Variants in RNGTT observed in about 807,000 individuals in gnomAD.
The protein encoded by RNGTT is RNA guanylyltransferase and 5'-phosphatase, also known as mRNA-capping enzyme.
RNGTT carries 33 observed loss-of-function variants against 79.3 expected under a neutral mutation model. The observed-to-expected ratio is 0.42, with a 90% CI of 0.32 to 0.56. The LOEUF is 0.56. RNGTT is among the 20% of genes least tolerant of loss of function. RNGTT has a pLI of 0.17. For missense variants in RNGTT, 497 were observed against 739.1 expected (o/e 0.67, Z 3.80); for synonymous variants, 222 against 235.9 (o/e 0.94, Z 0.54).
At chr6:88,713,767 C>A (rs950601702) in intron 13 of RNGTT, among the ~76,000 whole-genome samples, 13 of 151,996 alleles carry the variant, frequency 8.6e-5, no homozygotes, top group African/African-American at 3.1e-4. Flanking sequence ...GTATTACGGG[C>A]TTTTTATTAC....
chr6:88,820,259 C>T (rs1042347010), intron 11 of RNGTT, among the ~76,000 whole-genome samples: 2 of 152,070 alleles, frequency 1.3e-5, no homozygotes, highest in Non-Finnish European at 2.9e-5. Flanking sequence ...AGCAGTTCCA[C>T]ACTATTAAAT....
intron 13 of RNGTT, among the ~76,000 whole-genome samples, chr6:88,763,602 T>A (rs1778343828): frequency 6.6e-6 from 1 of 152,160 alleles, no homozygotes; most frequent in Non-Finnish European, 1.5e-5. Context: ...AAATCACTGA[T>A]CAACAATGCT....
At chr6:88,649,614 G>A (rs1008672109) in intron 14 of RNGTT, among the ~76,000 whole-genome samples, 4 of 151,922 alleles carry the variant, frequency 2.6e-5, no homozygotes, top group South Asian at 2.1e-4. Flanking sequence ...GGAGAATGGC[G>A]TGAACCCGGG....
chr6:88,926,102 T>C (rs193026470), intron 4 of RNGTT, among the ~76,000 whole-genome samples: 230 of 152,344 alleles, frequency 1.5e-3, no homozygotes, highest in African/African-American at 5.2e-3. Context: ...TAAATAAATA[T>C]TTACTATTTT....
At chr6:88,938,485 G>T (rs912144631) in intron 2 of RNGTT, among the ~76,000 whole-genome samples, 49 of 152,068 alleles carry the variant, frequency 3.2e-4, no homozygotes, top group African/African-American at 9.9e-4. Flanking sequence ...TATCCATTCG[G>T]CCAGTTTACA....
intron 14 of RNGTT, among the ~76,000 whole-genome samples, chr6:88,662,387 A>G (rs1427907380): frequency 6.6e-6 from 1 of 152,250 alleles, no homozygotes; most frequent in Non-Finnish European, 1.5e-5. Context: ...TGTAGCTCTC[A>G]GTCACGTAGC....
rs149295592 is a variant in RNGTT, at chr6:88,825,040, G to A, written c.1269+19317C>T. 4.6e-3 allele frequency among the ~76,000 whole-genome samples: 697 copies of A among 152,208 alleles called. 2 individuals carry two copies. The highest frequency in any genetic ancestry group is 0.016 in the African/African-American group (659 of 41,548). On this transcript the variant is annotated intron_variant, in intron 11 of 15. Transcript: ENST00000369485. ...TTACAGGTGTGAGCCACCACACCCA[G>A]CCTTCTGTCTGTTTTCTAAAAAACA...
intron 8 of RNGTT, among the ~76,000 whole-genome samples, chr6:88,858,545 T>TA (rs1421245492): frequency 6.6e-6 from 1 of 152,220 alleles, no homozygotes; most frequent in Non-Finnish European, 1.5e-5. Context: ...GAGCAATTAC[T>TA]ATGTTCTGAA....
At chr6:88,776,893 A>G (rs1778906366) in intron 12 of RNGTT, among the ~76,000 whole-genome samples, 1 of 152,102 alleles carries the variant, frequency 6.6e-6, no homozygotes, top group Non-Finnish European at 1.5e-5. Context: ...TTGTTGGCTG[A>G]GCTTTTGATG....
intron 8 of RNGTT, among the ~76,000 whole-genome samples, chr6:88,881,898 C>T (rs745462759): frequency 1.3e-5 from 2 of 152,204 alleles, no homozygotes; most frequent in African/African-American, 2.4e-5. Context: ...CTAAATTCAA[C>T]AGACACTTTT....
intron 13 of RNGTT, among the ~76,000 whole-genome samples, chr6:88,736,214 C>T (rs1479077093): frequency 6.6e-6 from 1 of 151,988 alleles, no homozygotes; most frequent in East Asian, 1.9e-4. Context: ...AGCACTAGGC[C>T]CAGATATTTT....
chr6:88,742,424 T>C (rs1403241972), intron 13 of RNGTT, among the ~76,000 whole-genome samples: 1 of 152,234 alleles, frequency 6.6e-6, no homozygotes, highest in Non-Finnish European at 1.5e-5. Context: ...CAAAAATTAT[T>C]TGAAGTTTAC....
At chr6:88,868,887 C>T (rs1289297555) in intron 8 of RNGTT, among the ~76,000 whole-genome samples, 1 of 152,010 alleles carries the variant, frequency 6.6e-6, no homozygotes, top group Non-Finnish European at 1.5e-5. Context: ...GAACAATGAA[C>T]ATTTTCAGAA....
At chr6:88,754,871 G>A (rs1777956797) in intron 13 of RNGTT, among the ~76,000 whole-genome samples, 1 of 152,156 alleles carries the variant, frequency 6.6e-6, no homozygotes, top group Non-Finnish European at 1.5e-5. Flanking sequence ...AATACTTTTA[G>A]TTAATCTATA....
At chr6:88,931,166 T>G (rs1202231980) in intron 2 of RNGTT, among the ~76,000 whole-genome samples, 1 of 138,730 alleles carries the variant, frequency 7.2e-6, no homozygotes, top group African/African-American at 2.8e-5. Flanking sequence ...GTACATACTT[T>G]AATGGAATAC....
Position 88,826,856 on chromosome 6 carries a change from A to G in RNGTT, c.1269+17501T>C, listed in dbSNP as rs28607020. Among the ~76,000 whole-genome samples the G allele has an allele frequency of 2.5e-3, 340 of 138,508 alleles. 4 individuals are homozygous for G. In the East Asian group the frequency reaches 0.039, roughly 16 times the overall value. 90.9% of individuals were successfully genotyped at this position (138,508 alleles called of 152,430 possible). A position where few individuals can be genotyped will look rare whatever the true frequency, so the allele number is the denominator to read the frequency against. On this transcript the variant is annotated intron_variant, in intron 11 of 15. Coordinates refer to ENST00000369485, the MANE Select transcript of RNGTT (RefSeq NM_003800.5). ...TATATATATATATATGTGTGTGTGTATATATATATATATAATATACTATAA... is the reference window on the plus strand; with the variant it reads ...TATATATATATATATGTGTGTGTGTGTATATATATATATAATATACTATAA...
chr6:88,699,561 T>TA (rs1775874101), intron 13 of RNGTT, among the ~76,000 whole-genome samples: 1 of 152,124 alleles, frequency 6.6e-6, no homozygotes, highest in South Asian at 2.1e-4. Flanking sequence ...CACACGCCTG[T>TA]AGTCCCAGTA....
At chr6:88,631,458 C>G (rs1772879852) in intron 14 of RNGTT, among the ~76,000 whole-genome samples, 1 of 152,194 alleles carries the variant, frequency 6.6e-6, no homozygotes, top group Admixed American at 6.5e-5. Context: ...AAGATGCCTT[C>G]TATCACCTTG....
intron 6 of RNGTT, among the ~76,000 whole-genome samples, chr6:88,902,151 C>A (rs1352968428): frequency 6.6e-6 from 1 of 151,914 alleles, no homozygotes; most frequent in African/African-American, 2.4e-5. Context: ...CACACCACTG[C>A]ACTCCAGCCT....
Sources: allele counts gnomAD v4.1 joint callset (sites outside exome capture counted in the v4.1 genomes callset), GRCh38; gene constraint gnomAD v4.1.1; transcripts MANE v1.5; gene names NCBI Gene and HGNC (gene_info 2026-07-23, HGNC 2026-07-21).